PALD1: variants seen among roughly 807,000 people sequenced by gnomAD.
PALD1 encodes the protein paladin.
PALD1 carries 57 observed loss-of-function variants against 96.0 expected under a neutral mutation model. The ratio of observed to expected loss-of-function variants is 0.59; its 90% CI spans 0.48 to 0.74. The LOEUF is 0.74. Among genes scored for constraint, PALD1 ranks in the 30% least tolerant of loss-of-function variants. The pLI is 0.00. For synonymous variants in PALD1, 464 were observed against 473.6 expected (o/e 0.98, Z 0.26); for missense variants, 1,063 against 1,143.7 (o/e 0.93, Z 1.02).
At chr10:70,547,641 A>T (rs1847397085) in intron 18 of PALD1, among the ~76,000 whole-genome samples, 195 bp downstream of exon 18, 1 of 152,140 alleles carries the variant, frequency 6.6e-6, no homozygotes, top group African/African-American at 2.4e-5. Context: ...ACCCACTGGT[A>T]TGGGTACCAG....
chr10:70,540,974 C>A lies in PALD1; in HGVS notation c.1909-128C>A. On this transcript the variant is annotated intron_variant, in intron 15 of 19. Coordinates refer to ENST00000263563, the MANE Select transcript of PALD1 (RefSeq NM_014431.3). This position sits in a 1 kb window ranked among gnomAD's most constrained non-coding sequence, Gnocchi z 4.2. ...CCCCGGTGAGTTTTGTTTGTGTGTG[C>A]AAGCTTGGGAGCCTGACAATTTCTG... 3.8e-6 allele frequency: 4 copies of A among 1,039,986 alleles called. No individual in the cohort carries two copies. Among genetic ancestry groups the A allele is most frequent in the Non-Finnish European group, 5.6e-6 (4 of 715,958 alleles). 64.4% of individuals were successfully genotyped at this position (1,039,986 alleles called of 1,614,324 possible).
chr10:70,464,377 AATTTTTTCGT>A, the PALD1 span, among the ~76,000 whole-genome samples: 1 of 151,530 alleles, frequency 6.6e-6, no homozygotes, highest in Non-Finnish European at 1.5e-5. Context: ...ATGCCCAGCT[AATTTTTTCGT>A]ATTTTTAGTT....
intron 8 of PALD1, 66 bp downstream of exon 8, chr10:70,534,139 A>G (rs1002524271): frequency 3.6e-5 from 52 of 1,451,532 alleles, no homozygotes; most frequent in Middle Eastern, 5.0e-4. Flanking sequence ...GCTGCCCCAC[A>G]GTGTGGGGAC....
At chr10:70,551,968 T>A (rs988842173) in intron 18 of PALD1, among the ~76,000 whole-genome samples, 1 of 152,228 alleles carries the variant, frequency 6.6e-6, no homozygotes, top group Non-Finnish European at 1.5e-5. Context: ...CCTTCTGGGC[T>A]TCGTGCACTT....
At chr10:70,564,594 G>T in intron 19 of PALD1, 75 bp downstream of exon 19, 1 of 1,433,510 alleles carries the variant, frequency 7.0e-7, no homozygotes, top group African/African-American at 1.4e-5. Flanking sequence ...GCCACTCAGT[G>T]CCTGTACATG....
At chr10:70,471,069 G>A in the PALD1 span, among the ~76,000 whole-genome samples, 43 of 150,814 alleles carry the variant, frequency 2.9e-4, 1 homozygote, top group South Asian at 6.3e-4. Context: ...TGATCCTCCC[G>A]CCTCGGCCTC....
Position 70,539,255 on chromosome 10 carries a change from C to T in PALD1, c.1725+8C>T. ...GCTCCTGACCAGCTGGAGGTGAGGCCCCCTGCCCTCTAGGCACCCCTGCCT... is the reference window on the plus strand; with the variant it reads ...GCTCCTGACCAGCTGGAGGTGAGGCTCCCTGCCCTCTAGGCACCCCTGCCT... On this transcript the variant is annotated splice_region_variant and intron_variant, in intron 14 of 19. Transcript: ENST00000263563. This position sits in a 1 kb window ranked among gnomAD's most constrained non-coding sequence, Gnocchi z 4.5. 3.1e-6 allele frequency: 5 copies of T among 1,602,670 alleles called. No homozygotes were observed. The highest frequency in any genetic ancestry group is 4.3e-6 in the Non-Finnish European group (5 of 1,175,510).
At chr10:70,495,841 A>C (rs1215870149) in intron 1 of PALD1, among the ~76,000 whole-genome samples, 1 of 134,798 alleles carries the variant, frequency 7.4e-6, no homozygotes, top group Non-Finnish European at 1.6e-5. Context: ...TCTTGTCTCT[A>C]CAAAAAAAAA....
chr10:70,520,596 C>T (rs1846710274), intron 1 of PALD1, among the ~76,000 whole-genome samples: 1 of 152,150 alleles, frequency 6.6e-6, no homozygotes, highest in East Asian at 1.9e-4. Flanking sequence ...GCTAATGTCC[C>T]ACCTTTTGAA....
chr10:70,501,533 C>T (rs986070455), intron 1 of PALD1, among the ~76,000 whole-genome samples: 2 of 152,288 alleles, frequency 1.3e-5, no homozygotes, highest in East Asian at 1.9e-4. Context: ...AGGTGTTGAG[C>T]GTTCCAGCAG....
intron 2 of PALD1, among the ~76,000 whole-genome samples, chr10:70,528,905 C>G (rs1846927796): frequency 6.6e-6 from 1 of 152,206 alleles, no homozygotes; most frequent in Non-Finnish European, 1.5e-5. Flanking sequence ...GGCACCTCTT[C>G]TCTTTGGGAA....
intron 1 of PALD1, among the ~76,000 whole-genome samples, chr10:70,505,512 G>A (rs1161134296): frequency 6.6e-6 from 1 of 152,050 alleles, no homozygotes; most frequent in Non-Finnish European, 1.5e-5. Flanking sequence ...GCTGAGGCAG[G>A]AGAATCGCTT....
chr10:70,557,345 C>T (rs908978021), intron 18 of PALD1, among the ~76,000 whole-genome samples: 5 of 151,610 alleles, frequency 3.3e-5, no homozygotes, highest in African/African-American at 7.3e-5. Flanking sequence ...GGGCTACATG[C>T]GGACACAGTG....
intron 1 of PALD1, among the ~76,000 whole-genome samples, chr10:70,501,669 A>C (rs1267524457): frequency 6.7e-6 from 1 of 150,328 alleles, no homozygotes; most frequent in Admixed American, 6.7e-5. Context: ...TTTTTTTTCT[A>C]AATAGTGTAT....
chr10:70,513,636 C>T (rs1480200915), intron 1 of PALD1, among the ~76,000 whole-genome samples: 2 of 152,234 alleles, frequency 1.3e-5, no homozygotes, highest in East Asian at 1.9e-4. Flanking sequence ...TACCCCCAAA[C>T]GCTTCAGCCT....
chr10:70,489,547 A>G (rs1215929957), intron 1 of PALD1, among the ~76,000 whole-genome samples: 4 of 152,092 alleles, frequency 2.6e-5, no homozygotes, highest in African/African-American at 9.7e-5. Context: ...GGGCTCAGGA[A>G]TCCTGTAGGG....
the PALD1 span, among the ~76,000 whole-genome samples, chr10:70,472,137 C>T: frequency 1.3e-4 from 20 of 152,282 alleles, no homozygotes; most frequent in Non-Finnish European, 2.4e-4. Context: ...TCCGTAGATC[C>T]CTGACCCCTT....
intron 1 of PALD1, among the ~76,000 whole-genome samples, chr10:70,501,159 C>A (rs1426439444): frequency 1.3e-5 from 2 of 152,124 alleles, no homozygotes; most frequent in African/African-American, 4.8e-5. Context: ...ATGCTGAGGC[C>A]CAGGGAGGGG....
chr10:70,517,234 T>C (rs1237323769), intron 1 of PALD1, among the ~76,000 whole-genome samples: 1 of 152,130 alleles, frequency 6.6e-6, no homozygotes, highest in East Asian at 1.9e-4. Flanking sequence ...AGTGGGAAGG[T>C]GTCACGAGAG....
Sources: gnomAD v4.1 joint callset for allele counts (sites outside exome capture counted in the v4.1 genomes callset) on GRCh38, gnomAD v4.1.1 for gene constraint, Gnocchi (gnomAD v3.1) non-coding constraint, MANE v1.5 for transcripts, NCBI Gene and HGNC (gene_info 2026-07-23, HGNC 2026-07-21) for gene names.